CFDP1: variants seen among roughly 807,000 people sequenced by gnomAD.
CFDP1 encodes heterochromatin-stabilizing protein CFDP1.
CFDP1 carries 31 observed loss-of-function variants against 40.1 expected under a neutral mutation model. The observed-to-expected ratio is 0.77, with a 90% CI of 0.58 to 1.04. The LOEUF (loss-of-function observed/expected upper bound fraction) is 1.04. Among genes scored for constraint, CFDP1 ranks in the 50% least tolerant of loss-of-function variants. The pLI is 0.00. For synonymous variants in CFDP1, 167 were observed against 120.0 expected (o/e 1.39, Z -2.56); for missense variants, 423 against 343.4 (o/e 1.23, Z -1.83).
intron 5 of CFDP1, among the ~76,000 whole-genome samples, chr16:75,384,841 A>C (rs1206528898): frequency 3.6e-5 from 4 of 111,542 alleles, no homozygotes; most frequent in Admixed American, 9.7e-5. Context: ...AGTTGCAAGA[A>C]GAAACTAAAA....
In CFDP1 at chr16:75,394,832, T is replaced by A. The variant is rs570235665; in HGVS notation, c.650+258A>T. 7 of 270,890 alleles carry A rather than the reference T, an allele frequency of 2.6e-5. No homozygotes were observed. In the East Asian group the frequency reaches 6.3e-4, roughly 25 times the overall value. The allele number at this position is 270,890 out of a possible 1,614,324, so 16.8% of individuals were successfully genotyped here. On this transcript the variant is annotated intron_variant, in intron 5 of 6. Transcript: ENST00000283882. ...TGCAAGCCACCATGCCCAGCTAATT[T>A]TTTTTTTTTTAAGAGACAGGGTCTT...
chr16:75,398,923 G>A (rs927351571), intron 4 of CFDP1, among the ~76,000 whole-genome samples: 9 of 152,064 alleles, frequency 5.9e-5, no homozygotes, highest in African/African-American at 2.2e-4. Flanking sequence ...CAGGCATGGT[G>A]GCGGGCGCCT....
intron 5 of CFDP1, among the ~76,000 whole-genome samples, chr16:75,328,599 T>TAAAA (rs534769130): frequency 9.4e-5 from 6 of 63,928 alleles, no homozygotes; most frequent in African/African-American, 2.7e-4. Flanking sequence ...AACTCTGTCT[T>TAAAA]AAAAAAAAAA....
chr16:75,401,011 T>G (rs928484343), intron 4 of CFDP1, among the ~76,000 whole-genome samples: 1 of 152,186 alleles, frequency 6.6e-6, no homozygotes, highest in Non-Finnish European at 1.5e-5. Context: ...TTTAAAAGCA[T>G]CCAGCTTGAC....
chr16:75,304,706 T>G (rs887776569), intron 6 of CFDP1, among the ~76,000 whole-genome samples: 1 of 152,244 alleles, frequency 6.6e-6, no homozygotes, highest in Non-Finnish European at 1.5e-5. Flanking sequence ...CCAAGGCTGC[T>G]ACCACAGGCC....
chr16:75,362,483 T>A (rs2078686340), intron 5 of CFDP1, among the ~76,000 whole-genome samples: 1 of 152,232 alleles, frequency 6.6e-6, no homozygotes, highest in Admixed American at 6.5e-5. Context: ...AATGTGTAAT[T>A]ACATTTGACT....
intron 5 of CFDP1, among the ~76,000 whole-genome samples, chr16:75,324,262 A>G (rs893242187): frequency 1.3e-5 from 2 of 152,052 alleles, no homozygotes; most frequent in Non-Finnish European, 2.9e-5. Context: ...ATGAGAAAGA[A>G]TTTGCCAGGG....
intron 5 of CFDP1, among the ~76,000 whole-genome samples, chr16:75,358,920 G>A (rs2151530520): frequency 6.6e-6 from 1 of 152,252 alleles, no homozygotes; most frequent in South Asian, 2.1e-4. Flanking sequence ...TAGAAGAGCT[G>A]TATAACCCAG....
intron 4 of CFDP1, among the ~76,000 whole-genome samples, chr16:75,402,480 TTTCAAGTAGGGACAAAA>T (rs1302617062): frequency 1.3e-5 from 2 of 152,168 alleles, no homozygotes; most frequent in Admixed American, 6.5e-5. Context: ...GCTAAACATT[TTTCAAGTAGGGACAAAA>T]ACAAAATGAA....
chr16:75,309,829 A>AAAC (rs1555552815), intron 5 of CFDP1, among the ~76,000 whole-genome samples: 5 of 150,160 alleles, frequency 3.3e-5, no homozygotes, highest in Non-Finnish European at 1.5e-5. Flanking sequence ...CAAAAAAAAA[A>AAAC]AAAAAAAAAA....
At chr16:75,339,849 C>A (rs968653889) in intron 5 of CFDP1, among the ~76,000 whole-genome samples, 2 of 152,176 alleles carry the variant, frequency 1.3e-5, no homozygotes, top group African/African-American at 2.4e-5. Context: ...TAGATATGAA[C>A]CACTAATACC....
chr16:75,330,355 G>C (rs1379605137), intron 5 of CFDP1, among the ~76,000 whole-genome samples: 1 of 152,204 alleles, frequency 6.6e-6, no homozygotes, highest in African/African-American at 2.4e-5. Flanking sequence ...GGGAGGCCAA[G>C]GCAGGTGGAT....
At chr16:75,367,430 T>TG (rs1555559516) in intron 5 of CFDP1, among the ~76,000 whole-genome samples, 2 of 120,052 alleles carry the variant, frequency 1.7e-5, no homozygotes, top group Non-Finnish European at 3.4e-5. Context: ...ACTCCAGAAC[T>TG]AAAAAAAAAA....
At chr16:75,313,977 G>A (rs930516247) in intron 5 of CFDP1, among the ~76,000 whole-genome samples, 22 of 152,110 alleles carry the variant, frequency 1.4e-4, no homozygotes, top group South Asian at 1.0e-3. Flanking sequence ...CTCCGCCGCC[G>A]GGGTTCAAGC....
At chr16:75,335,296 G>A (rs2078478735) in intron 5 of CFDP1, among the ~76,000 whole-genome samples, 1 of 151,996 alleles carries the variant, frequency 6.6e-6, no homozygotes, top group Admixed American at 6.6e-5. Flanking sequence ...GCCCTTAGGG[G>A]GAAAAATAAC....
At chr16:75,362,642 T>C (rs72787120) in intron 5 of CFDP1, among the ~76,000 whole-genome samples, 10,386 of 152,216 alleles carry the variant, frequency 0.068, 473 homozygotes, top group Admixed American at 0.13. Context: ...CACTACTCTT[T>C]CCTCTTCCAT....
intron 4 of CFDP1, among the ~76,000 whole-genome samples, chr16:75,401,851 A>G (rs565530768): frequency 2.7e-5 from 1 of 37,258 alleles, no homozygotes; most frequent in African/African-American, 5.5e-5. Context: ...TTGAACATAT[A>G]AAAAAAAATA....
At chr16:75,413,465 G>A (rs6564258) in intron 2 of CFDP1, among the ~76,000 whole-genome samples, 78,280 of 150,800 alleles carry the variant, frequency 0.52, 21,339 homozygotes, top group Admixed American at 0.64. Flanking sequence ...GGCTGAGGCA[G>A]GGAACTGAAC....
intron 5 of CFDP1, among the ~76,000 whole-genome samples, chr16:75,348,864 C>T (rs1223884290): frequency 6.6e-6 from 1 of 152,014 alleles, no homozygotes. Flanking sequence ...GAACTGTCTC[C>T]ATTTAATTTT....
Sources: gnomAD v4.1 joint callset for allele counts (sites outside exome capture counted in the v4.1 genomes callset) on GRCh38, gnomAD v4.1.1 for gene constraint, MANE v1.5 for transcripts, NCBI Gene and HGNC (gene_info 2026-07-23, HGNC 2026-07-21) for gene names.